ARHGEF3: variants seen among roughly 807,000 people sequenced by gnomAD.
ARHGEF3 encodes Rho guanine nucleotide exchange factor 3, also known as 59.8 kDA protein.
ARHGEF3 carries 28 observed loss-of-function variants against 63.2 expected under a neutral mutation model. The ratio of observed to expected loss-of-function variants is 0.44; its 90% CI spans 0.33 to 0.61. The LOEUF is 0.61. Ranked by LOEUF, ARHGEF3 falls within the 20% of genes least tolerant of loss-of-function variation. The pLI, the probability that ARHGEF3 is intolerant of heterozygous loss-of-function variation, is 0.03. For synonymous variants in ARHGEF3, 266 were observed against 254.2 expected (o/e 1.05, Z -0.44); for missense variants, 533 against 659.3 (o/e 0.81, Z 2.10).
At chr3:56,909,347 C>T (rs947574409) in intron 3 of ARHGEF3, among the ~76,000 whole-genome samples, 1 of 152,206 alleles carries the variant, frequency 6.6e-6, no homozygotes, top group African/African-American at 2.4e-5. Flanking sequence ...GTGCCCAAAA[C>T]AGTCCACAAA....
At chr3:56,895,468 A>ATT (rs765618587) in intron 3 of ARHGEF3, among the ~76,000 whole-genome samples, 1 of 56,550 alleles carries the variant, frequency 1.8e-5, no homozygotes, top group Admixed American at 1.6e-4. Context: ...TTATTTATTT[A>ATT]TTTATTTTTT....
chr3:56,735,519 T>C (rs536591678), intron 8 of ARHGEF3, among the ~76,000 whole-genome samples: 1 of 152,180 alleles, frequency 6.6e-6, no homozygotes, highest in African/African-American at 2.4e-5. Flanking sequence ...CTAGAGTTTA[T>C]CTTTATGCCT....
intron 2 of ARHGEF3, among the ~76,000 whole-genome samples, chr3:56,987,986 T>A (rs955277322): frequency 4.6e-5 from 7 of 152,168 alleles, no homozygotes; most frequent in Non-Finnish European, 7.3e-5. Context: ...GACAGACAGG[T>A]ATGGGCAACA....
intron 4 of ARHGEF3, among the ~76,000 whole-genome samples, chr3:56,879,187 A>C (rs1233087557): frequency 1.3e-5 from 2 of 152,230 alleles, no homozygotes; most frequent in Non-Finnish European, 2.9e-5. Context: ...AATAAATGTA[A>C]AGTGCTTGAA....
chr3:56,981,411 A>G (rs915492418), intron 2 of ARHGEF3, among the ~76,000 whole-genome samples: 5 of 152,200 alleles, frequency 3.3e-5, no homozygotes, highest in East Asian at 1.9e-4. Flanking sequence ...GCTGCACACT[A>G]TAAAGGCAGA....
chr3:56,872,943 G>A (rs192792183), intron 4 of ARHGEF3, among the ~76,000 whole-genome samples: 3 of 152,104 alleles, frequency 2.0e-5, no homozygotes, highest in African/African-American at 7.2e-5. Flanking sequence ...ATTTTTTTGT[G>A]CTCACGATAG....
At chr3:56,993,697 C>T (rs1180440323) in intron 2 of ARHGEF3, among the ~76,000 whole-genome samples, 1 of 150,986 alleles carries the variant, frequency 6.6e-6, no homozygotes, top group East Asian at 2.0e-4. Context: ...CATTGCTTAA[C>T]CTTCCTGAGG....
In ARHGEF3 at chr3:57,003,401, C is replaced by CAAAA. The variant is rs60214570; in HGVS notation, c.62+31683_62+31686dup. Among the ~76,000 whole-genome samples the CAAAA allele has an allele frequency of 6.4e-4, 28 of 43,720 alleles. 2 individuals are homozygous for CAAAA. Among genetic ancestry groups the CAAAA allele is most frequent in the African/African-American group, 2.4e-3 (25 of 10,240 alleles). 28.7% of individuals were successfully genotyped at this position (43,720 alleles called of 152,430 possible). On this transcript the variant is annotated intron_variant, in intron 2 of 12. Coordinates refer to the ARHGEF3 transcript ENST00000338458. Reference sequence around the variant, plus strand: ...CTGGCAACGAAGCGAGACGCCGTCTCAAAAAAAAAAAAAAAAAAAAAAAAA... The same window carrying CAAAA: ...CTGGCAACGAAGCGAGACGCCGTCTCAAAAAAAAAAAAAAAAAAAAAAAAAAAAA...
In ARHGEF3 at chr3:57,022,380, C is replaced by T. The variant is rs991986249; in HGVS notation, c.62+12708G>A. ...GCAGGGCTGATCAGACTGATCCACACGTGTGACCATCTCATCACCCACATC... is the reference window on the plus strand; with the variant it reads ...GCAGGGCTGATCAGACTGATCCACATGTGTGACCATCTCATCACCCACATC... On this transcript the variant is annotated intron_variant, in intron 2 of 12. Coordinates refer to the ARHGEF3 transcript ENST00000338458. 5.3e-5 allele frequency among the ~76,000 whole-genome samples: 8 copies of T among 151,620 alleles called. No homozygotes were observed. The South Asian group carries it at 1.3e-3, about 24-fold the overall frequency.
intron 4 of ARHGEF3, among the ~76,000 whole-genome samples, chr3:56,854,773 G>C (rs557709909): frequency 1.1e-4 from 16 of 140,638 alleles, no homozygotes; most frequent in African/African-American, 3.3e-4. Context: ...CTAGAGGGGT[G>C]GGGGGGTTGG....
At chr3:56,958,912 T>C in intron 2 of ARHGEF3, 2 of 1,542,340 alleles carry the variant, frequency 1.3e-6, no homozygotes, top group Non-Finnish European at 8.8e-7. Context: ...AGACAATGTA[T>C]TCATTATTCA....
chr3:57,031,162 CACAG>C (rs1703714166), intron 2 of ARHGEF3, among the ~76,000 whole-genome samples: 1 of 152,126 alleles, frequency 6.6e-6, no homozygotes, highest in Non-Finnish European at 1.5e-5. Flanking sequence ...GTGCCAAGCA[CACAG>C]TAATGAGGTA....
intron 3 of ARHGEF3, among the ~76,000 whole-genome samples, chr3:56,886,032 C>T (rs1279293530): frequency 6.6e-6 from 1 of 152,190 alleles, no homozygotes; most frequent in Non-Finnish European, 1.5e-5. Flanking sequence ...ATGAGCCAGG[C>T]ATGTTCCCTG....
chr3:57,035,372 C>G (rs1703908321), intron 1 of ARHGEF3, among the ~76,000 whole-genome samples: 1 of 152,052 alleles, frequency 6.6e-6, no homozygotes, highest in Admixed American at 6.6e-5. Context: ...TTTTTTGAGA[C>G]AGAGTCTCGC....
intron 4 of ARHGEF3, among the ~76,000 whole-genome samples, chr3:56,846,555 C>T (rs923772682): frequency 3.3e-5 from 5 of 152,098 alleles, no homozygotes; most frequent in Non-Finnish European, 7.3e-5. Context: ...GCAAAAGGGG[C>T]ACATTTGTAT....
At chr3:56,845,942 T>G (rs2039474336) in intron 4 of ARHGEF3, among the ~76,000 whole-genome samples, 1 of 152,196 alleles carries the variant, frequency 6.6e-6, no homozygotes, top group African/African-American at 2.4e-5. Flanking sequence ...CAGCATAGTG[T>G]TTACTCTGTA....
At chr3:56,993,238 C>A (rs1457224534) in intron 2 of ARHGEF3, among the ~76,000 whole-genome samples, 1 of 152,212 alleles carries the variant, frequency 6.6e-6, no homozygotes, top group Non-Finnish European at 1.5e-5. Flanking sequence ...CTGTCTAAAT[C>A]AACTCCTAGT....
chr3:56,735,351 G>C (rs2033534797), intron 8 of ARHGEF3, among the ~76,000 whole-genome samples: 1 of 151,846 alleles, frequency 6.6e-6, no homozygotes, highest in African/African-American at 2.4e-5. Flanking sequence ...TTCTCTTATT[G>C]GTCTCAGCTC....
chr3:56,827,245 T>A (rs2108059233), intron 4 of ARHGEF3, among the ~76,000 whole-genome samples: 1 of 152,316 alleles, frequency 6.6e-6, no homozygotes, highest in East Asian at 1.9e-4. Flanking sequence ...CCAATCTCTG[T>A]AATATATAAA....
Sources: allele counts gnomAD v4.1 joint callset (sites outside exome capture counted in the v4.1 genomes callset), GRCh38; gene constraint gnomAD v4.1.1; transcripts MANE v1.5; gene names NCBI Gene and HGNC (gene_info 2026-07-23, HGNC 2026-07-21).